STIM2: variants seen among roughly 807,000 people sequenced by gnomAD.
STIM2 encodes the protein stromal interaction molecule 2.
A neutral mutation model predicts 85.8 loss-of-function variants in STIM2; 31 were observed. That is an observed-to-expected ratio of 0.36 (90% confidence interval 0.27 to 0.49). The LOEUF (loss-of-function observed/expected upper bound fraction) is 0.49. Among genes scored for constraint, STIM2 ranks in the 20% least tolerant of loss-of-function variants. The probability of loss-of-function intolerance (pLI) is 0.98; values close to 1 mark genes in which losing one functional copy is unlikely to be tolerated. For synonymous variants in STIM2, 356 were observed against 331.1 expected (o/e 1.08, Z -0.82); for missense variants, 841 against 927.6 (o/e 0.91, Z 1.21).
chr4:26,933,592 GTTT>G (rs1725278931), intron 2 of STIM2, among the ~76,000 whole-genome samples: 1 of 151,894 alleles, frequency 6.6e-6, no homozygotes, highest in Non-Finnish European at 1.5e-5. Flanking sequence ...TTTCCAGACT[GTTT>G]TTTATCATAT....
chr4:26,884,920 C>T lies in STIM2; in HGVS notation c.151+23551C>T, dbSNP rs184384556. On this transcript the variant is annotated intron_variant, in intron 1 of 11. Transcript: ENST00000467087. ...GAATTCTCACAACAAGATTCACATCCTTAACCAGTACTCTTGCCTCTTGAG... is the reference window on the plus strand; with the variant it reads ...GAATTCTCACAACAAGATTCACATCTTTAACCAGTACTCTTGCCTCTTGAG... 1.4e-4 allele frequency among the ~76,000 whole-genome samples: 21 copies of T among 152,334 alleles called. No homozygotes were observed. The East Asian group carries it at 2.9e-3, about 21-fold the overall frequency.
Position 26,919,638 on chromosome 4 carries a change from G to C in STIM2, c.282+4G>C. The C allele has an allele frequency of 1.2e-6, 2 of 1,613,046 alleles. No individual in the cohort carries two copies. Among genetic ancestry groups the C allele is most frequent in the Non-Finnish European group, 8.5e-7 (1 of 1,179,406 alleles). On this transcript the variant is annotated splice_donor_region_variant and intron_variant, in intron 2 of 11. Coordinates refer to ENST00000467087, the MANE Select transcript of STIM2 (RefSeq NM_020860.4). ...TGAAGTAGAGGAAAGTGATGAAGTA[G>C]GTGGAAAAATGTTTTCCTTGCTATT...
chr4:27,008,126 A>T, intron 8 of STIM2: 2 of 630,570 alleles, frequency 3.2e-6, no homozygotes, highest in East Asian at 2.8e-5. Flanking sequence ...CCATTGTAGT[A>T]TAATATAGCT....
At chr4:26,974,852 C>T (rs781584737) in intron 3 of STIM2, among the ~76,000 whole-genome samples, 13 of 152,040 alleles carry the variant, frequency 8.6e-5, no homozygotes, top group Non-Finnish European at 1.5e-4. Context: ...GGGTCCATTC[C>T]CCCCATCACT....
chr4:26,963,251 T>G (rs1726551025), intron 3 of STIM2, among the ~76,000 whole-genome samples: 1 of 152,162 alleles, frequency 6.6e-6, no homozygotes, highest in South Asian at 2.1e-4. Flanking sequence ...AGGGAAGTTA[T>G]AAATATTTTA....
intron 3 of STIM2, among the ~76,000 whole-genome samples, chr4:26,988,231 C>G (rs947776445): frequency 2.6e-5 from 4 of 152,056 alleles, no homozygotes; most frequent in Non-Finnish European, 5.9e-5. Flanking sequence ...ATAAGATGAA[C>G]ATGGACAATT....
chr4:27,023,091 A>G lies in STIM2; in HGVS notation c.*95A>G. 6 of 1,238,210 alleles carry G rather than the reference A, an allele frequency of 4.8e-6. No individual in the cohort carries two copies. Among genetic ancestry groups the G allele is most frequent in the Non-Finnish European group, 6.8e-6 (6 of 888,824 alleles). 76.7% of individuals were successfully genotyped at this position (1,238,210 alleles called of 1,614,324 possible). A position where few individuals can be genotyped will look rare whatever the true frequency, so the allele number is the denominator to read the frequency against. ...ACCTTTTTTTTGGTTTAATTTTAGG[A>G]ATGTAACTCCATTGGGGCTTTCCAG... On this transcript the variant is annotated 3_prime_UTR_variant, in exon 12 of 12. Coordinates refer to ENST00000467087, the MANE Select transcript of STIM2 (RefSeq NM_020860.4).
Position 27,023,106 on chromosome 4 carries a change from G to T in STIM2, c.*110G>T. 9.5e-7 allele frequency: 1 copy of T among 1,052,000 alleles called. No homozygotes were observed. The allele number at this position is 1,052,000 out of a possible 1,614,324, so 65.2% of individuals were successfully genotyped here. A position where few individuals can be genotyped will look rare whatever the true frequency, so the allele number is the denominator to read the frequency against. On this transcript the variant is annotated 3_prime_UTR_variant, in exon 12 of 12. Transcript: ENST00000467087. ...TAATTTTAGGAATGTAACTCCATTG[G>T]GGCTTTCCAGGCCGGATGCCATAGT...
intron 3 of STIM2, among the ~76,000 whole-genome samples, chr4:26,989,281 T>C (rs1469350015): frequency 1.3e-5 from 2 of 152,204 alleles, no homozygotes; most frequent in African/African-American, 4.8e-5. Flanking sequence ...TTTATTATTT[T>C]GCATGTTAAG....
intron 3 of STIM2, among the ~76,000 whole-genome samples, chr4:26,985,864 A>G (rs894446240): frequency 3.3e-5 from 5 of 152,222 alleles, no homozygotes; most frequent in Non-Finnish European, 5.9e-5. Context: ...TTAAAATCAT[A>G]AATTTAGGAC....
rs989163908 is a variant in STIM2 at position 26,861,321 on chromosome 4, G to T, written c.103G>T (p.Ala35Ser). 4 of 1,405,824 alleles carry T rather than the reference G, an allele frequency of 2.8e-6. No homozygotes were observed. The highest frequency in any genetic ancestry group is 9.2e-7 in the Non-Finnish European group (1 of 1,083,300). 87.1% of individuals were successfully genotyped at this position (1,405,824 alleles called of 1,614,324 possible). The change falls in exon 1 of 12, where the codon GCC (alanine) becomes TCC (serine). Residue 35 changes from alanine to serine, a missense_variant. This residue lies in a region of STIM2 where 140 missense variants were observed against 117.7 expected (regional missense o/e 1.19). Coordinates refer to ENST00000467087, the MANE Select transcript of STIM2 (RefSeq NM_020860.4). Reference sequence around the variant, plus strand: ...GGCGACTGGCTCTGCCGCAACTGCCGCCTCCTCTCCCGCCGCGGCGGCCGG... The same window carrying T: ...GGCGACTGGCTCTGCCGCAACTGCCTCCTCCTCTCCCGCCGCGGCGGCCGG...
At chr4:26,917,926 G>T (rs1171013227) in intron 1 of STIM2, among the ~76,000 whole-genome samples, 2 of 152,026 alleles carry the variant, frequency 1.3e-5, no homozygotes, top group African/African-American at 4.8e-5. Flanking sequence ...AAACTTACGG[G>T]CACATCAGGG....
chr4:26,911,285 GAAAT>G (rs1403772158), intron 1 of STIM2, among the ~76,000 whole-genome samples: 1 of 151,962 alleles, frequency 6.6e-6, no homozygotes, highest in Non-Finnish European at 1.5e-5. Flanking sequence ...TAAAAAAAAT[GAAAT>G]AAAACATTTG....
In STIM2 at chr4:26,955,745, G is replaced by T. The variant is rs1726217830; in HGVS notation, c.283-1867G>T. On this transcript the variant is annotated intron_variant, in intron 2 of 11. Coordinates refer to ENST00000467087, the MANE Select transcript of STIM2 (RefSeq NM_020860.4). Reference sequence around the variant, plus strand: ...CGAAAGACCAGATGTTTAATTTCCAGTATATATGTACAGGGTGGACAAGGT... The same window carrying T: ...CGAAAGACCAGATGTTTAATTTCCATTATATATGTACAGGGTGGACAAGGT... Among the ~76,000 whole-genome samples, 3 of 127,290 alleles carry T rather than the reference G, an allele frequency of 2.4e-5. 1 individual carries two copies. The highest frequency in any genetic ancestry group is 1.0e-4 in the African/African-American group (3 of 29,024). The allele number at this position is 127,290 out of a possible 152,430, so 83.5% of individuals were successfully genotyped here.
chr4:26,902,953 C>T (rs1484839026), intron 1 of STIM2, among the ~76,000 whole-genome samples: 4 of 152,052 alleles, frequency 2.6e-5, no homozygotes, highest in Admixed American at 6.6e-5. Context: ...AGTTTAACTA[C>T]CTAGATTTGT....
At chr4:26,862,571 A>G (rs1183090574) in intron 1 of STIM2, among the ~76,000 whole-genome samples, 2 of 152,204 alleles carry the variant, frequency 1.3e-5, no homozygotes, top group African/African-American at 4.8e-5. Flanking sequence ...GAGAAGAAGG[A>G]TGTTGGTAAA....
intron 1 of STIM2, among the ~76,000 whole-genome samples, chr4:26,892,754 A>G (rs2109046084): frequency 6.6e-6 from 1 of 152,312 alleles, no homozygotes; most frequent in South Asian, 2.1e-4. Flanking sequence ...TAGGGCTGGA[A>G]AGTTGATATA....
intron 1 of STIM2, among the ~76,000 whole-genome samples, chr4:26,882,409 G>C (rs2109037304): frequency 6.6e-6 from 1 of 151,388 alleles, no homozygotes; most frequent in East Asian, 1.9e-4. Flanking sequence ...TTGTAATTCT[G>C]GTTTTATCTA....
rs775280058 is a variant in STIM2 at position 27,007,522 on chromosome 4, CCTT to C, written c.982-5_982-3del. 1.1e-5 allele frequency: 17 copies of C among 1,484,774 alleles called. No individual in the cohort carries two copies. Among genetic ancestry groups the C allele is most frequent in the East Asian group, 2.4e-5 (1 of 41,132 alleles). The allele number at this position is 1,484,774 out of a possible 1,614,324, so 92.0% of individuals were successfully genotyped here. A position where few individuals can be genotyped will look rare whatever the true frequency, so the allele number is the denominator to read the frequency against. On this transcript the variant is annotated splice_region_variant and splice_polypyrimidine_tract_variant and intron_variant, in intron 7 of 11. Transcript: ENST00000467087. ...CTCTCCTTTCTTGCCTCCTTCCTTT[CCTT>C]CTTCTAGGTTCGCATGGCTCTGAAA...
Sources: allele counts gnomAD v4.1 joint callset (sites outside exome capture counted in the v4.1 genomes callset), GRCh38; gene constraint gnomAD v4.1.1; regional missense constraint gnomAD v4.1.1; transcripts MANE v1.5; gene names NCBI Gene and HGNC (gene_info 2026-07-23, HGNC 2026-07-21).